The following NBN variants were observed in gnomAD, a reference collection of about 807,000 sequenced individuals.
The protein encoded by NBN is nibrin.
A neutral mutation model predicts 90.8 loss-of-function variants in NBN; 88 were observed. The observed-to-expected ratio is 0.97, with a 90% CI of 0.82 to 1.16. NBN has a LOEUF of 1.16. Among genes scored for constraint, NBN ranks in the 50% most tolerant of loss-of-function variants. NBN has a pLI of 0.00. For synonymous variants in NBN, 328 were observed against 295.1 expected, an observed-to-expected ratio of 1.11 and a Z score of -1.14; for missense variants, 894 against 869.6, an observed-to-expected ratio of 1.03 and a Z score of -0.35.
At chr8:89,974,759 T>C (rs769498391) in intron 5 of NBN, among the ~76,000 whole-genome samples, 3 of 152,204 alleles carry the variant, frequency 2.0e-5, no homozygotes, top group Non-Finnish European at 4.4e-5. Flanking sequence ...GAAACATTAC[T>C]TCATCCCTCG....
At chr8:89,938,002 C>T (rs1809770548) in intron 14 of NBN, among the ~76,000 whole-genome samples, 1 of 152,062 alleles carries the variant, frequency 6.6e-6, no homozygotes, top group Admixed American at 6.6e-5. Flanking sequence ...TATTTAGTGC[C>T]TACTATGTTT....
In NBN at chr8:89,964,411, T is replaced by G; in HGVS notation, c.993A>C (p.Thr331=). 1 of 1,613,790 alleles carries G rather than the reference T, an allele frequency of 6.2e-7. No individual in the cohort carries two copies. The highest frequency in any genetic ancestry group is 8.5e-7 in the Non-Finnish European group (1 of 1,179,806). ...NYCDPQGHPS[T]GLKTTTPGPS... Reference sequence around the variant, plus strand: ...TCAATAAAATAATGCTTCAATTACCTGTACTGGGATGGCCCTGAGGATCAC... The same window carrying G: ...TCAATAAAATAATGCTTCAATTACCGGTACTGGGATGGCCCTGAGGATCAC... The change falls in exon 8 of 16, where the codon ACA becomes ACC. Residue 331 remains threonine (T), a splice_region_variant and synonymous_variant. Transcript: ENST00000265433.
intron 1 of NBN, 88 bp downstream of exon 1, chr8:89,984,437 G>T: frequency 2.4e-6 from 3 of 1,271,356 alleles, no homozygotes; most frequent in East Asian, 2.5e-5. Context: ...GGGCAGGAAC[G>T]GACGCGACGC....
intron 5 of NBN, among the ~76,000 whole-genome samples, chr8:89,972,056 G>A (rs1811546250): frequency 6.6e-6 from 1 of 152,096 alleles, no homozygotes; most frequent in African/African-American, 2.4e-5. Context: ...ATGATGATAA[G>A]GGGACAATGT....
At chr8:89,978,775 C>T (rs1811898213) in intron 4 of NBN, among the ~76,000 whole-genome samples, 1 of 152,196 alleles carries the variant, frequency 6.6e-6, no homozygotes, top group Non-Finnish European at 1.5e-5. Flanking sequence ...AAGATTGTAA[C>T]TATGCAATAA....
intron 7 of NBN, among the ~76,000 whole-genome samples, chr8:89,968,987 G>A (rs1437464175): frequency 6.6e-6 from 1 of 152,082 alleles, no homozygotes; most frequent in Non-Finnish European, 1.5e-5. Context: ...TAGGATAGAT[G>A]ACTAAAATTT....
intron 15 of NBN, 61 bp from the exon 16 acceptor site, chr8:89,935,673 G>A: frequency 6.3e-7 from 1 of 1,585,228 alleles, no homozygotes; most frequent in Non-Finnish European, 8.6e-7. Flanking sequence ...TCTTTTAAAG[G>A]TAAAGAACTT....
chr8:89,958,585 A>T (rs146808343), intron 9 of NBN, 140 bp downstream of exon 9: 1 of 1,067,040 alleles, frequency 9.4e-7, no homozygotes, highest in African/African-American at 1.6e-5. Context: ...CCCTTGTCCT[A>T]AGATATCATT....
At chr8:89,980,528 GC>G (rs1373800522) in intron 4 of NBN, among the ~76,000 whole-genome samples, 1 of 151,908 alleles carries the variant, frequency 6.6e-6, no homozygotes, top group Non-Finnish European at 1.5e-5. Flanking sequence ...AATTTTAGTT[GC>G]TTTTGGCTTG....
chr8:89,935,540 T>C lies in NBN; in HGVS notation c.*42A>G. The C allele has an allele frequency of 6.2e-7, 1 of 1,609,036 alleles. No homozygotes were observed. The highest frequency in any genetic ancestry group is 8.5e-7 in the Non-Finnish European group (1 of 1,176,382). On this transcript the variant is annotated 3_prime_UTR_variant, in exon 16 of 16. Transcript: ENST00000265433. The stretch of plus-strand genomic sequence containing the variant: ...AACCTTGTTGGCCTGAAGTAGATGC[T>C]TACTAGGAAGTTTTTCCATGGCTTC...
In NBN at chr8:89,984,595, A is replaced by G; in HGVS notation, c.-34T>C. 6.2e-7 allele frequency: 1 copy of G among 1,611,260 alleles called. No individual in the cohort carries two copies. The highest frequency in any genetic ancestry group is 8.5e-7 in the Non-Finnish European group (1 of 1,179,184). On this transcript the variant is annotated 5_prime_UTR_variant, in exon 1 of 16. Coordinates refer to ENST00000265433, the MANE Select transcript of NBN (RefSeq NM_002485.5). ...CTCCTCAGGGCTGGGGCCGACGTGC[A>G]ACCGCGTAACCGGGGCTGCTAGACG... is the stretch of plus-strand genomic sequence containing the variant.
intron 14 of NBN, 125 bp downstream of exon 14, chr8:89,943,128 T>C (rs1047435787): frequency 4.4e-6 from 4 of 907,348 alleles, no homozygotes; most frequent in Non-Finnish European, 7.1e-6. Flanking sequence ...AACTCAGGAA[T>C]GCTCCTGAAT....
Position 89,935,228 on chromosome 8 carries a change from G to A in NBN, c.*354C>T. On this transcript the variant is annotated 3_prime_UTR_variant, in exon 16 of 16. Coordinates refer to ENST00000265433, the MANE Select transcript of NBN (RefSeq NM_002485.5). ...ATCCCTGGAAAGATTCATAAGAAAT[G>A]AGTATCATGAATTTTTTTCTGAGGG... The A allele has an allele frequency of 3.5e-6, 1 of 286,644 alleles. No homozygotes were observed. The highest frequency in any genetic ancestry group is 6.7e-6 in the Non-Finnish European group (1 of 149,996). 17.8% of individuals were successfully genotyped at this position (286,644 alleles called of 1,614,324 possible). A position where few individuals can be genotyped will look rare whatever the true frequency, so the allele number is the denominator to read the frequency against.
chr8:89,942,883 A>C (rs1810012901), intron 14 of NBN, among the ~76,000 whole-genome samples: 1 of 152,206 alleles, frequency 6.6e-6, no homozygotes, highest in Non-Finnish European at 1.5e-5. Flanking sequence ...GAATTGTTAA[A>C]ACACAATCCC....
chr8:89,966,852 A>G (rs1421029450), intron 7 of NBN, among the ~76,000 whole-genome samples: 1 of 152,232 alleles, frequency 6.6e-6, no homozygotes, highest in East Asian at 1.9e-4. Context: ...AAAAAGAATA[A>G]AGTCAAAAAC....
intron 4 of NBN, 78 bp from the exon 5 acceptor site, chr8:89,978,401 C>T: frequency 2.5e-6 from 3 of 1,199,782 alleles, no homozygotes; most frequent in Non-Finnish European, 3.7e-6. Flanking sequence ...TTATAAACTA[C>T]AAAGAGGCTG....
rs13312933 is a variant in NBN, at chr8:89,948,808, C to G, written c.1846-916G>C. The stretch of plus-strand genomic sequence containing the variant: ...CATATCATTTACAGAAAGTTGTTAT[C>G]ACAATCAGAACATTTTACTCCCTTT... On this transcript the variant is annotated intron_variant, in intron 11 of 15. Transcript: ENST00000265433. Among the ~76,000 whole-genome samples, 320 of 152,250 alleles carry G rather than the reference C, an allele frequency of 2.1e-3. 1 individual carries two copies. Among genetic ancestry groups the G allele is most frequent in the African/African-American group, 7.0e-3 (290 of 41,546 alleles).
intron 10 of NBN, among the ~76,000 whole-genome samples, 164 bp downstream of exon 10, chr8:89,955,119 T>C (rs977610806): frequency 2.0e-5 from 3 of 152,040 alleles, no homozygotes; most frequent in African/African-American, 7.2e-5. Flanking sequence ...CTAGTGGCTC[T>C]AGTGAAGGAG....
rs2129716605 is a variant in NBN at position 89,955,289 on chromosome 8, T to C, written c.1391A>G (p.Lys464Arg). 1.2e-6 allele frequency: 2 copies of C among 1,613,806 alleles called. No homozygotes were observed. Among genetic ancestry groups the C allele is most frequent in the African/African-American group, 2.7e-5 (2 of 75,042 alleles). ...GAAGTTATCAAAAACAGACCTTTTT[T>C]TGGTAGACGGCTGAAAGTAGTTTCT... Reference protein sequence around the residue: ...SIRNYFQPSTKKRERDEENQE... With the variant: ...SIRNYFQPSTRKRERDEENQE... The change falls in exon 10 of 16, where the codon AAA becomes AGA. Residue 464 changes from lysine (K) to arginine (R), a missense_variant. Transcript: ENST00000265433.
Sources: gnomAD v4.1 joint callset for allele counts (sites outside exome capture counted in the v4.1 genomes callset) on GRCh38, gnomAD v4.1.1 for gene constraint, MANE v1.5 for transcripts, NCBI Gene and HGNC (gene_info 2026-07-23, HGNC 2026-07-21) for gene names.